Variants in SORL1 observed in about 807,000 individuals in gnomAD.
The protein encoded by SORL1 is sortilin-related receptor.
Under a neutral mutation model 273.7 loss-of-function variants are expected in SORL1, and 127 were observed. The ratio of observed to expected loss-of-function variants is 0.46; its 90% CI spans 0.40 to 0.54. The LOEUF (loss-of-function observed/expected upper bound fraction) is 0.54, where lower values mean the gene tolerates loss of function less well. Among genes scored for constraint, SORL1 ranks in the 20% least tolerant of loss-of-function variants. SORL1 has a pLI of 0.00. For synonymous variants in SORL1, 1,031 were observed against 1,067.4 expected, an observed-to-expected ratio of 0.97 and a Z score of 0.66; for missense variants, 2,494 against 2,846.1, an observed-to-expected ratio of 0.88 and a Z score of 2.81.
chr11:121,587,792 G>T (rs149723506), intron 27 of SORL1, among the ~76,000 whole-genome samples: 2 of 152,166 alleles, frequency 1.3e-5, no homozygotes, highest in African/African-American at 4.8e-5. Context: ...TTCTCATTTT[G>T]AATTAGCGAC....
chr11:121,566,822 A>C, intron 21 of SORL1, 118 bp from the exon 22 acceptor site: 7 of 973,698 alleles, frequency 7.2e-6, no homozygotes, highest in South Asian at 1.7e-5. Flanking sequence ...TTGACCCTTG[A>C]GAGCTTCTCG....
In SORL1 at chr11:121,632,557, A is replaced by G. The variant is rs186840186; in HGVS notation, c.*2994A>G. The stretch of plus-strand genomic sequence containing the variant: ...TTTGGGTGGGACAGACAGAAGACAC[A>G]CAGCTGCCTGTTCTCTCCTGCCCAT... On this transcript the variant is annotated 3_prime_UTR_variant, in exon 48 of 48. Coordinates refer to ENST00000260197, the MANE Select transcript of SORL1 (RefSeq NM_003105.6). The G allele has an allele frequency of 4.8e-4, 73 of 151,676 alleles. No individual in the cohort carries two copies. Among genetic ancestry groups the G allele is most frequent in the African/African-American group, 1.6e-3 (68 of 41,294 alleles). 9.4% of individuals were successfully genotyped at this position (151,676 alleles called of 1,614,324 possible). A position where few individuals can be genotyped will look rare whatever the true frequency, so the allele number is the denominator to read the frequency against.
intron 1 of SORL1, among the ~76,000 whole-genome samples, chr11:121,461,355 T>A (rs1860998248): frequency 6.6e-6 from 1 of 151,826 alleles, no homozygotes; most frequent in Admixed American, 6.6e-5. Flanking sequence ...TGGTTAGAGG[T>A]GAAAGAGCTA....
At position 121,606,908 on chromosome 11, in the gene SORL1, G is replaced by A. The variant is rs1480718261; in HGVS notation, c.5012G>A (p.Gly1671Asp). ...AGGGAAGCAGAAGGTGTGATTGTAGGCCACTGGGCTCCTCCCATCCACACC... is the reference window on the plus strand; with the variant it reads ...AGGGAAGCAGAAGGTGTGATTGTAGACCACTGGGCTCCTCCCATCCACACC... ...LPREAEGVIV[G>D]HWAPPIHTHG... Residue 1671 changes from glycine to aspartate, a missense_variant, in exon 36 of 48, where the codon GGC becomes GAC. Around this residue, in one of 3 missense-constraint regions of SORL1, gnomAD observed 1,609 missense variants for 1,816.4 expected, o/e 0.89. Transcript: ENST00000260197. 6.2e-7 allele frequency: 1 copy of A among 1,614,024 alleles called. No individual in the cohort carries two copies. Among genetic ancestry groups the A allele is most frequent in the African/African-American group, 1.3e-5 (1 of 74,920 alleles).
intron 9 of SORL1, among the ~76,000 whole-genome samples, chr11:121,522,029 A>G (rs1197292763): frequency 2.0e-5 from 3 of 152,204 alleles, no homozygotes; most frequent in African/African-American, 7.2e-5. Flanking sequence ...TGCCCTGTAT[A>G]CCTACACCTT....
intron 33 of SORL1, among the ~76,000 whole-genome samples, chr11:121,604,669 T>A (rs930154415): frequency 5.3e-4 from 81 of 152,284 alleles, no homozygotes; most frequent in African/African-American, 1.9e-3. Context: ...TAATGGACCC[T>A]ATGACATGGT....
intron 32 of SORL1, among the ~76,000 whole-genome samples, chr11:121,599,380 A>AC (rs1315632181): frequency 3.3e-5 from 5 of 152,192 alleles, no homozygotes; most frequent in Non-Finnish European, 5.9e-5. Flanking sequence ...CCCCATCTCT[A>AC]CTAAAAATGT....
intron 8 of SORL1, among the ~76,000 whole-genome samples, chr11:121,518,902 G>C (rs1394188518): frequency 6.6e-6 from 1 of 151,956 alleles, no homozygotes; most frequent in Non-Finnish European, 1.5e-5. Context: ...GTAGCCGGTG[G>C]CTTAGAACCC....
chr11:121,592,450 A>G (rs1863230742), intron 31 of SORL1, among the ~76,000 whole-genome samples: 1 of 152,224 alleles, frequency 6.6e-6, no homozygotes, highest in Non-Finnish European at 1.5e-5. Flanking sequence ...TGCTTTGAAC[A>G]AGTAGGGTAT....
intron 21 of SORL1, among the ~76,000 whole-genome samples, chr11:121,564,824 C>T (rs774227020): frequency 8.5e-5 from 13 of 152,092 alleles, no homozygotes; most frequent in East Asian, 3.8e-4. Flanking sequence ...CCTCCCACCT[C>T]GGCCTCCCAA....
intron 12 of SORL1, 67 bp downstream of exon 12, chr11:121,532,619 A>G (rs2134871661): frequency 7.6e-7 from 1 of 1,322,562 alleles, no homozygotes; most frequent in Non-Finnish European, 1.1e-6. Flanking sequence ...TGTGATTATA[A>G]TTGGATTATC....
At position 121,615,112 on chromosome 11, in the gene SORL1, G is replaced by A. The variant is rs929493788; in HGVS notation, c.5604+57G>A. On this transcript the variant is annotated intron_variant, in intron 41 of 47. Coordinates refer to ENST00000260197, the MANE Select transcript of SORL1 (RefSeq NM_003105.6). ...AGTGTGGACTGTCCCCTAATGCTAC[G>A]CCACCACACAACTCCAGGGCTTTTC... The A allele has an allele frequency of 2.9e-5, 40 of 1,379,886 alleles. No individual in the cohort carries two copies. The Middle Eastern group carries it at 7.6e-4, about 26-fold the overall frequency. 85.5% of individuals were successfully genotyped at this position (1,379,886 alleles called of 1,614,324 possible).
intron 1 of SORL1, among the ~76,000 whole-genome samples, chr11:121,466,668 T>C (rs541865832): frequency 4.6e-5 from 7 of 152,294 alleles, no homozygotes; most frequent in Admixed American, 3.9e-4. Context: ...CTGGCTCCCC[T>C]GTCCTGCGCG....
intron 32 of SORL1, among the ~76,000 whole-genome samples, chr11:121,599,010 TG>T (rs1430189584): frequency 6.6e-6 from 1 of 151,938 alleles, no homozygotes; most frequent in East Asian, 1.9e-4. Flanking sequence ...CAAGGTAGGG[TG>T]ATTTCTTTTT....
intron 33 of SORL1, among the ~76,000 whole-genome samples, chr11:121,604,803 G>C (rs957320077): frequency 6.6e-6 from 1 of 152,138 alleles, no homozygotes; most frequent in East Asian, 1.9e-4. Flanking sequence ...GATTGTATAG[G>C]GAGGTTTCAA....
chr11:121,593,883 C>T (rs536097979), intron 31 of SORL1, among the ~76,000 whole-genome samples: 3 of 152,200 alleles, frequency 2.0e-5, no homozygotes, highest in East Asian at 1.9e-4. Flanking sequence ...TTAGTTTAAT[C>T]CCATGTTTCA....
intron 9 of SORL1, 50 bp from the exon 10 acceptor site, chr11:121,522,536 G>T (rs1428170488): frequency 2.2e-6 from 3 of 1,358,868 alleles, no homozygotes; most frequent in East Asian, 2.3e-5. Flanking sequence ...TACAGGGAAC[G>T]CTAGGCATGG....
At position 121,606,865 on chromosome 11, in the gene SORL1, C is replaced by T. The variant is rs1482327766; in HGVS notation, c.4969C>T (p.Leu1657Phe). Reference protein sequence around the residue: ...PEGLPDAPRNLQLSLPREAEG... With the variant: ...PEGLPDAPRNFQLSLPREAEG... ...TCTAGTGCCAGATGCCCCTCGAAAT[C>T]TCCAGCTGTCACTCCCCAGGGAAGC... Residue 1657 changes from leucine (L) to phenylalanine (F), a missense_variant, in exon 36 of 48, where the codon CTC becomes TTC. By Grantham distance (22) the Leu-to-Phe change is conservative (BLOSUM62 0). Around this residue, in one of 3 missense-constraint regions of SORL1, gnomAD observed 1,609 missense variants for 1,816.4 expected, o/e 0.89. Transcript: ENST00000260197. The T allele has an allele frequency of 3.8e-6, 6 of 1,595,514 alleles. No homozygotes were observed. The highest frequency in any genetic ancestry group is 3.4e-5 in the Admixed American group (2 of 59,356).
intron 3 of SORL1, among the ~76,000 whole-genome samples, chr11:121,481,024 T>C (rs77638195): frequency 0.032 from 1,015 of 31,372 alleles, no homozygotes; most frequent in Admixed American, 0.048. Context: ...TAGGCAGGCT[T>C]CATCTCCTCC....
Sources: gnomAD v4.1 joint callset for allele counts (sites outside exome capture counted in the v4.1 genomes callset) on GRCh38, gnomAD v4.1.1 for gene constraint, gnomAD v4.1.1 regional missense constraint, MANE v1.5 for transcripts, NCBI Gene and HGNC (gene_info 2026-07-23, HGNC 2026-07-21) for gene names.